GAS2: variants seen among roughly 807,000 people sequenced by gnomAD.
GAS2 encodes growth arrest specific 2, also known as growth arrest-specific protein 2.
Under a neutral mutation model 37.5 loss-of-function variants are expected in GAS2, and 20 were observed. The ratio of observed to expected loss-of-function variants is 0.53; its 90% CI spans 0.37 to 0.77. GAS2 has a LOEUF of 0.77. Ranked by LOEUF, GAS2 falls within the 30% of genes least tolerant of loss-of-function variation. The pLI, the probability that GAS2 is intolerant of heterozygous loss-of-function variation, is 0.00. For missense variants in GAS2, 336 were observed against 373.4 expected (o/e 0.90, Z 0.82); for synonymous variants, 144 against 132.2 (o/e 1.09, Z -0.61).
intron 6 of GAS2, among the ~76,000 whole-genome samples, chr11:22,752,347 T>C (rs552893737): frequency 2.0e-5 from 3 of 150,764 alleles, no homozygotes; most frequent in Non-Finnish European, 4.4e-5. Context: ...GTTTGATAGG[T>C]TTTTTTTTAC....
chr11:22,716,714 T>A (rs989506098), intron 3 of GAS2, among the ~76,000 whole-genome samples: 1 of 151,726 alleles, frequency 6.6e-6, no homozygotes, highest in Non-Finnish European at 1.5e-5. Context: ...ACTGTTGCTG[T>A]TTACTGATGA....
chr11:22,736,773 T>C (rs1258209236), intron 4 of GAS2, among the ~76,000 whole-genome samples: 3 of 152,130 alleles, frequency 2.0e-5, no homozygotes, highest in South Asian at 4.1e-4. Flanking sequence ...AATATTTTCC[T>C]TTTTTAGAAT....
At chr11:22,752,006 T>G (rs536269185) in intron 6 of GAS2, among the ~76,000 whole-genome samples, 6 of 152,080 alleles carry the variant, frequency 3.9e-5, no homozygotes, top group Non-Finnish European at 7.4e-5. Context: ...AAAGTTTTAA[T>G]CAAATGTAGG....
chr11:22,669,256 T>G (rs1849106906), intron 1 of GAS2, among the ~76,000 whole-genome samples: 1 of 152,104 alleles, frequency 6.6e-6, no homozygotes, highest in African/African-American at 2.4e-5. Flanking sequence ...TTAATATTGT[T>G]AACAATAGTC....
Position 22,706,921 on chromosome 11 carries a change from CA to C in GAS2, c.268-19369del, listed in dbSNP as rs537307355. On this transcript the variant is annotated intron_variant, in intron 3 of 7. Transcript: ENST00000454584. The stretch of plus-strand genomic sequence containing the variant: ...TGAGGAATCGCCACACTGACTTCCA[CA>C]ATGGTTGAACTAGTTTACAGTCCCA... Among the ~76,000 whole-genome samples the C allele has an allele frequency of 7.2e-3, 1,089 of 152,196 alleles. 20 individuals are homozygous for C. The highest frequency in any genetic ancestry group is 0.025 in the African/African-American group (1,032 of 41,452).
intron 1 of GAS2, among the ~76,000 whole-genome samples, chr11:22,652,991 T>TTTTCTTTCTTTC (rs769554594): frequency 3.2e-4 from 2 of 6,300 alleles, no homozygotes; most frequent in Non-Finnish European, 8.2e-4. Context: ...CTTTCTTTCT[T>TTTTCTTTCTTTC]TGTCTTTCTT....
At chr11:22,752,499 T>C (rs60075100) in intron 6 of GAS2, among the ~76,000 whole-genome samples, 1,610 of 152,108 alleles carry the variant, frequency 0.011, 23 homozygotes, top group African/African-American at 0.037. Flanking sequence ...GAGGCACATA[T>C]AGCAGTTCGG....
At chr11:22,754,041 G>A (rs146118693) in intron 6 of GAS2, among the ~76,000 whole-genome samples, 324 of 152,052 alleles carry the variant, frequency 2.1e-3, no homozygotes, top group African/African-American at 7.0e-3. Context: ...TATTAGTGTT[G>A]GGGTGAATGT....
intron 1 of GAS2, among the ~76,000 whole-genome samples, chr11:22,673,409 C>A (rs2133881674): frequency 6.6e-6 from 1 of 152,258 alleles, no homozygotes; most frequent in South Asian, 2.1e-4. Context: ...TCACTGAAAA[C>A]CTCATGATAT....
chr11:22,742,596 A>G (rs900771759), intron 5 of GAS2, among the ~76,000 whole-genome samples: 4 of 152,130 alleles, frequency 2.6e-5, no homozygotes, highest in Admixed American at 2.6e-4. Context: ...AAAAGCCAAT[A>G]TAAGCAGAGA....
In GAS2 at chr11:22,715,393, G is replaced by A. The variant is rs1327399123; in HGVS notation, c.268-10899G>A. 1.4e-4 allele frequency among the ~76,000 whole-genome samples: 20 copies of A among 144,466 alleles called. 1 individual carries two copies. The highest frequency in any genetic ancestry group is 1.2e-3 in the Admixed American group (17 of 14,152). 94.8% of individuals were successfully genotyped at this position (144,466 alleles called of 152,430 possible). A position where few individuals can be genotyped will look rare whatever the true frequency, so the allele number is the denominator to read the frequency against. ...GGAGAATCACTTGAACCCGGGAGGC[G>A]GAGGTTGCAGTGAGCTGAGATCACG... On this transcript the variant is annotated intron_variant, in intron 3 of 7. Transcript: ENST00000454584.
intron 7 of GAS2, among the ~76,000 whole-genome samples, chr11:22,773,294 C>T (rs1204805648): frequency 1.3e-5 from 2 of 151,818 alleles, no homozygotes; most frequent in African/African-American, 2.4e-5. Context: ...CATCTGGGCC[C>T]GGTTTTCCCT....
chr11:22,807,130 G>A (rs780999094), intron 7 of GAS2, among the ~76,000 whole-genome samples: 1 of 152,072 alleles, frequency 6.6e-6, no homozygotes, highest in Admixed American at 6.6e-5. Flanking sequence ...AAGAAAAAAC[G>A]ACTCCTTCAA....
chr11:22,656,168 A>T (rs1848852347), intron 1 of GAS2, among the ~76,000 whole-genome samples: 1 of 152,202 alleles, frequency 6.6e-6, no homozygotes, highest in Non-Finnish European at 1.5e-5. Flanking sequence ...CACAGCATAT[A>T]CTAGTTGCTG....
intron 1 of GAS2, among the ~76,000 whole-genome samples, chr11:22,655,974 T>A (rs918202464): frequency 1.2e-4 from 19 of 152,196 alleles, no homozygotes; most frequent in African/African-American, 4.6e-4. Flanking sequence ...GGTCATACGT[T>A]CTTCCACTGT....
intron 3 of GAS2, among the ~76,000 whole-genome samples, chr11:22,707,111 TG>T (rs1402017463): frequency 6.6e-6 from 1 of 152,216 alleles, no homozygotes; most frequent in Non-Finnish European, 1.5e-5. Flanking sequence ...CAGGTGGACT[TG>T]GCAGAGCTTG....
intron 7 of GAS2, among the ~76,000 whole-genome samples, chr11:22,767,216 C>T (rs761636605): frequency 9.2e-5 from 14 of 151,994 alleles, no homozygotes; most frequent in Non-Finnish European, 1.0e-4. Context: ...GATGAAGAAA[C>T]TGCAGCTAAT....
rs1848807266 is a variant in GAS2 at position 22,652,996 on chromosome 11, T to TTTCTTTCTTTCTTTCTTTCC, written c.-20-21835_-20-21834insCTTCTTTCTTTCTTTCTTTC. 2.2e-5 allele frequency among the ~76,000 whole-genome samples: 3 copies of TTTCTTTCTTTCTTTCTTTCC among 134,972 alleles called. No homozygotes were observed. In the South Asian group the frequency reaches 7.6e-4, roughly 34 times the overall value. 88.5% of individuals were successfully genotyped at this position (134,972 alleles called of 152,430 possible). A position where few individuals can be genotyped will look rare whatever the true frequency, so the allele number is the denominator to read the frequency against. ...CTTTCTTTGTCTTTCTTTCTTTGTC[T>TTTCTTTCTTTCTTTCTTTCC]TTCTTTCTTTCTTTCTTTCTTTCTT... On this transcript the variant is annotated intron_variant, in intron 1 of 5. Transcript: ENST00000528582.
At chr11:22,670,743 T>G (rs1849166115) in intron 1 of GAS2, among the ~76,000 whole-genome samples, 1 of 152,066 alleles carries the variant, frequency 6.6e-6, no homozygotes, top group Admixed American at 6.6e-5. Flanking sequence ...AAGAGGAAAA[T>G]TCATATGACT....
Sources: gnomAD v4.1 joint callset for allele counts (sites outside exome capture counted in the v4.1 genomes callset) on GRCh38, gnomAD v4.1.1 for gene constraint, MANE v1.5 for transcripts, NCBI Gene and HGNC (gene_info 2026-07-23, HGNC 2026-07-21) for gene names.